Variants in NRXN3 observed in about 807,000 individuals in gnomAD.
The protein encoded by NRXN3 is neurexin III.
Under a neutral mutation model 137.6 loss-of-function variants are expected in NRXN3, and 32 were observed. That is an observed-to-expected ratio of 0.23 (90% CI 0.18 to 0.31). NRXN3 has a LOEUF of 0.31. Ranked by LOEUF, NRXN3 falls within the 10% of genes least tolerant of loss-of-function variation. The probability of loss-of-function intolerance (pLI) is 1.00; values close to 1 mark genes in which losing one functional copy is unlikely to be tolerated. For synonymous variants in NRXN3, 798 were observed against 784.5 expected, an observed-to-expected ratio of 1.02 and a Z score of -0.29; for missense variants, 1,574 against 2,062.5, an observed-to-expected ratio of 0.76 and a Z score of 4.59.
chr14:78,449,589 A>T (rs1433295197), intron 4 of NRXN3, among the ~76,000 whole-genome samples: 2 of 152,168 alleles, frequency 1.3e-5, no homozygotes, highest in South Asian at 2.1e-4. Context: ...TCTATTTTTT[A>T]TTAGAGCGTT....
intron 4 of NRXN3, among the ~76,000 whole-genome samples, chr14:78,535,139 G>T (rs1225524398): frequency 7.6e-6 from 1 of 132,136 alleles, no homozygotes; most frequent in Admixed American, 7.8e-5. Flanking sequence ...TCTTTTAATT[G>T]AAAAAAAAAA....
chr14:79,043,517 C>T (rs568842786), intron 15 of NRXN3, among the ~76,000 whole-genome samples: 40 of 152,324 alleles, frequency 2.6e-4, no homozygotes, highest in African/African-American at 8.7e-4. Context: ...AAATTGCACA[C>T]TCACCCAATT....
intron 16 of NRXN3, among the ~76,000 whole-genome samples, chr14:79,503,251 T>G (rs2096842531): frequency 6.6e-6 from 1 of 152,188 alleles, no homozygotes; most frequent in African/African-American, 2.4e-5. Flanking sequence ...GAGACGAGTT[T>G]CCAAAGATAA....
chr14:78,187,476 G>A (rs997985427), intron 1 of NRXN3, among the ~76,000 whole-genome samples: 3 of 152,144 alleles, frequency 2.0e-5, no homozygotes, highest in African/African-American at 4.8e-5. Flanking sequence ...CAAGTGACAT[G>A]TGCAAGGTCA....
chr14:78,682,558 T>C (rs1401853378), intron 6 of NRXN3, among the ~76,000 whole-genome samples: 1 of 152,098 alleles, frequency 6.6e-6, no homozygotes, highest in Non-Finnish European at 1.5e-5. Context: ...CCTCAGGGCA[T>C]TGATTTTAGC....
intron 15 of NRXN3, among the ~76,000 whole-genome samples, chr14:79,088,383 C>G (rs2048527616): frequency 6.7e-6 from 1 of 149,568 alleles, no homozygotes; most frequent in Admixed American, 6.6e-5. Context: ...CTTTGACCTC[C>G]TCTAGTTAGC....
chr14:79,098,508 G>A (rs1040148926), intron 15 of NRXN3, among the ~76,000 whole-genome samples: 1 of 152,136 alleles, frequency 6.6e-6, no homozygotes, highest in Non-Finnish European at 1.5e-5. Context: ...GGTTTGCTGT[G>A]TGCTTTCCCA....
chr14:79,345,388 A>G (rs1298723485), intron 15 of NRXN3, among the ~76,000 whole-genome samples: 1 of 152,212 alleles, frequency 6.6e-6, no homozygotes, highest in Non-Finnish European at 1.5e-5. Context: ...TTCTGTCCTC[A>G]GCACCAGACT....
At chr14:78,452,180 T>C (rs192884835) in intron 4 of NRXN3, among the ~76,000 whole-genome samples, 4 of 152,350 alleles carry the variant, frequency 2.6e-5, no homozygotes, top group Admixed American at 2.6e-4. Context: ...TTATAGCATA[T>C]TGGCCAAGAG....
intron 15 of NRXN3, among the ~76,000 whole-genome samples, chr14:79,102,081 G>C (rs1017635889): frequency 6.6e-6 from 1 of 152,112 alleles, no homozygotes; most frequent in Non-Finnish European, 1.5e-5. Flanking sequence ...GCATTGCTCT[G>C]CTCATGTCTT....
intron 6 of NRXN3, among the ~76,000 whole-genome samples, chr14:78,663,057 C>T (rs115230610): frequency 8.8e-4 from 134 of 152,306 alleles, no homozygotes; most frequent in African/African-American, 3.1e-3. Context: ...AGCTTATGAG[C>T]TGGATTCTAT....
intron 19 of NRXN3, among the ~76,000 whole-genome samples, chr14:79,708,965 TTATGTGTG>T (rs2098792265): frequency 6.6e-6 from 1 of 151,702 alleles, no homozygotes; most frequent in Non-Finnish European, 1.5e-5. Context: ...CCCCATCTTA[TTATGTGTG>T]TGTGTGTGTG....
At chr14:78,232,568 C>T (rs2065582260) in intron 1 of NRXN3, among the ~76,000 whole-genome samples, 1 of 152,144 alleles carries the variant, frequency 6.6e-6, no homozygotes, top group African/African-American at 2.4e-5. Flanking sequence ...AATAATTTTC[C>T]TCTCCCCTTA....
At chr14:79,687,134 G>A (rs2098698509) in intron 17 of NRXN3, among the ~76,000 whole-genome samples, 1 of 152,194 alleles carries the variant, frequency 6.6e-6, no homozygotes, top group Non-Finnish European at 1.5e-5. Context: ...GTGTAGTGAG[G>A]ATTAATGAGA....
At chr14:78,705,362 A>G (rs1025110403) in intron 6 of NRXN3, among the ~76,000 whole-genome samples, 1 of 152,204 alleles carries the variant, frequency 6.6e-6, no homozygotes. Flanking sequence ...CCAGGGTGCC[A>G]GTACACTTCT....
chr14:79,517,204 G>T (rs1213966046), intron 16 of NRXN3, among the ~76,000 whole-genome samples: 2 of 151,634 alleles, frequency 1.3e-5, no homozygotes, highest in African/African-American at 4.9e-5. Flanking sequence ...TTTCAGTGTA[G>T]TTTTATTTTC....
intron 16 of NRXN3, among the ~76,000 whole-genome samples, chr14:79,631,319 C>T (rs1019197520): frequency 5.9e-5 from 9 of 152,398 alleles, no homozygotes; most frequent in African/African-American, 1.9e-4. Context: ...AGCCCTCGCT[C>T]GCTCTTGGCG....
rs1276136356 is a variant in NRXN3, at chr14:79,601,231, C to T, written c.3445-62547C>T. On this transcript the variant is annotated intron_variant, in intron 16 of 20. Transcript: ENST00000335750. ...CTAATTTTTGTATTTTTAGTAGAGA[C>T]GGGGTTTCACCATGTTGGCCAGAAT... Among the ~76,000 whole-genome samples, 9 of 151,892 alleles carry T rather than the reference C, an allele frequency of 5.9e-5. No homozygotes were observed. The South Asian group carries it at 6.2e-4, about 11-fold the overall frequency.
chr14:78,563,396 G>C (rs143682109), intron 4 of NRXN3, among the ~76,000 whole-genome samples: 2 of 152,180 alleles, frequency 1.3e-5, no homozygotes, highest in South Asian at 4.1e-4. Context: ...GATGAAAAAC[G>C]TGGTTAATCT....
Sources: gnomAD v4.1 joint callset for allele counts (sites outside exome capture counted in the v4.1 genomes callset) on GRCh38, gnomAD v4.1.1 for gene constraint, MANE v1.5 for transcripts, NCBI Gene and HGNC (gene_info 2026-07-23, HGNC 2026-07-21) for gene names.